NPAS3: variants seen among roughly 807,000 people sequenced by gnomAD.
NPAS3 encodes neuronal PAS domain protein 3.
NPAS3 carries 14 observed loss-of-function variants against 73.1 expected under a neutral mutation model. The ratio of observed to expected loss-of-function variants is 0.19; its 90% CI spans 0.13 to 0.30. The LOEUF (loss-of-function observed/expected upper bound fraction) is 0.30. NPAS3 is among the 10% of genes least tolerant of loss of function. NPAS3 has a pLI of 1.00. For synonymous variants in NPAS3, 620 were observed against 541.5 expected, an observed-to-expected ratio of 1.14 and a Z score of -2.01; for missense variants, 1,096 against 1,250.0, an observed-to-expected ratio of 0.88 and a Z score of 1.86.
chr14:32,946,159 A>G (rs2036240522), intron 1 of NPAS3, among the ~76,000 whole-genome samples: 1 of 152,166 alleles, frequency 6.6e-6, no homozygotes, highest in Admixed American at 6.5e-5. Context: ...CCTCCTGCCA[A>G]ATTATCTGGC....
intron 5 of NPAS3, among the ~76,000 whole-genome samples, chr14:33,650,639 T>G (rs1037564383): frequency 6.6e-6 from 1 of 152,208 alleles, no homozygotes; most frequent in Non-Finnish European, 1.5e-5. Flanking sequence ...GCAAGGACCC[T>G]GCACTTAGGC....
intron 2 of NPAS3, among the ~76,000 whole-genome samples, chr14:33,099,956 A>C (rs1322643569): frequency 2.0e-5 from 3 of 152,174 alleles, no homozygotes; most frequent in Admixed American, 1.3e-4. Flanking sequence ...CTAAAATTTA[A>C]GTTTTCCATT....
chr14:33,698,740 C>T (rs1173237860), intron 6 of NPAS3, among the ~76,000 whole-genome samples: 1 of 152,118 alleles, frequency 6.6e-6, no homozygotes, highest in Non-Finnish European at 1.5e-5. Flanking sequence ...TAAAATAATC[C>T]TTTGCACAAA....
At chr14:33,223,836 C>CA (rs71118533) in intron 3 of NPAS3, among the ~76,000 whole-genome samples, 8,226 of 148,842 alleles carry the variant, frequency 0.055, 409 homozygotes, top group African/African-American at 0.14. Flanking sequence ...AAATGTATGG[C>CA]AAAAAAAAAA....
At chr14:33,371,702 A>G (rs1386257565) in intron 4 of NPAS3, among the ~76,000 whole-genome samples, 2 of 152,298 alleles carry the variant, frequency 1.3e-5, no homozygotes, top group Admixed American at 1.3e-4. Flanking sequence ...GTGTGTGTGT[A>G]AACGCAAAGA....
At chr14:33,334,340 A>G (rs2044119323) in intron 3 of NPAS3, among the ~76,000 whole-genome samples, 2 of 152,172 alleles carry the variant, frequency 1.3e-5, no homozygotes, top group African/African-American at 2.4e-5. Context: ...AAACACTTCC[A>G]TCATCATATA....
At chr14:33,319,972 C>A (rs2043368322) in intron 3 of NPAS3, among the ~76,000 whole-genome samples, 1 of 152,088 alleles carries the variant, frequency 6.6e-6, no homozygotes, top group South Asian at 2.1e-4. Context: ...ATGACCAATT[C>A]CTTATGGGAA....
intron 4 of NPAS3, among the ~76,000 whole-genome samples, chr14:33,391,928 A>G (rs1406077884): frequency 6.6e-6 from 1 of 152,208 alleles, no homozygotes; most frequent in Non-Finnish European, 1.5e-5. Flanking sequence ...GAGTAAGAGA[A>G]TGGTATTGAT....
chr14:33,674,484 C>G (rs1180296063), intron 5 of NPAS3, among the ~76,000 whole-genome samples: 1 of 152,144 alleles, frequency 6.6e-6, no homozygotes, highest in South Asian at 2.1e-4. Flanking sequence ...CTTAATTGCT[C>G]AAAGTCAGTT....
At chr14:33,541,548 T>C (rs1224372008) in intron 4 of NPAS3, among the ~76,000 whole-genome samples, 2 of 152,170 alleles carry the variant, frequency 1.3e-5, no homozygotes, top group Non-Finnish European at 2.9e-5. Flanking sequence ...GCTTCACGCA[T>C]AGAACATGTG....
intron 3 of NPAS3, among the ~76,000 whole-genome samples, chr14:33,251,697 A>T (rs1594512711): frequency 6.6e-6 from 1 of 152,258 alleles, no homozygotes; most frequent in African/African-American, 2.4e-5. Context: ...AAATCTTTAT[A>T]ATTCAACAAA....
chr14:33,385,435 T>C (rs1250706004), intron 4 of NPAS3, among the ~76,000 whole-genome samples: 2 of 152,186 alleles, frequency 1.3e-5, no homozygotes, highest in Non-Finnish European at 2.9e-5. Flanking sequence ...TATGTTTCTA[T>C]TCAATGGAGT....
chr14:33,415,046 C>A (rs1286362853), intron 4 of NPAS3, among the ~76,000 whole-genome samples: 1 of 152,042 alleles, frequency 6.6e-6, no homozygotes, highest in Non-Finnish European at 1.5e-5. Flanking sequence ...ATCACAAAAT[C>A]TATATTTTTC....
At chr14:33,369,404 C>A (rs375252645) in intron 4 of NPAS3, among the ~76,000 whole-genome samples, 23 of 90,932 alleles carry the variant, frequency 2.5e-4, no homozygotes, top group South Asian at 1.1e-3. Flanking sequence ...GCCTCATTTC[C>A]AAAAAAAAAA....
intron 3 of NPAS3, among the ~76,000 whole-genome samples, chr14:33,307,672 A>G (rs1385791769): frequency 6.7e-6 from 1 of 149,790 alleles, no homozygotes; most frequent in Non-Finnish European, 1.5e-5. Flanking sequence ...ATAGTTCTCC[A>G]TTCCAACAAT....
intron 1 of NPAS3, among the ~76,000 whole-genome samples, chr14:32,965,858 G>A (rs1216559296): frequency 6.6e-6 from 1 of 152,098 alleles, no homozygotes; most frequent in East Asian, 1.9e-4. Context: ...AACAAATTTA[G>A]TAAAATTGCA....
chr14:33,267,451 T>C (rs941624745), intron 3 of NPAS3, among the ~76,000 whole-genome samples: 1 of 152,124 alleles, frequency 6.6e-6, no homozygotes, highest in African/African-American at 2.4e-5. Flanking sequence ...CATCAAAATG[T>C]AGAATAGAGA....
chr14:33,115,521 G>T (rs1469028716), intron 2 of NPAS3, among the ~76,000 whole-genome samples: 6 of 152,048 alleles, frequency 3.9e-5, no homozygotes, highest in Admixed American at 3.3e-4. Flanking sequence ...TCTTTGGTAG[G>T]GTAAAATGAT....
intron 4 of NPAS3, among the ~76,000 whole-genome samples, chr14:33,426,695 G>T (rs751699858): frequency 1.3e-5 from 2 of 152,004 alleles, no homozygotes; most frequent in Non-Finnish European, 2.9e-5. Context: ...GTTAGTCTAT[G>T]AGCCCAAAGT....
Sources: allele counts gnomAD v4.1 joint callset (sites outside exome capture counted in the v4.1 genomes callset), GRCh38; gene constraint gnomAD v4.1.1; transcripts MANE v1.5; gene names NCBI Gene and HGNC (gene_info 2026-07-23, HGNC 2026-07-21).